The following MACROD2 variants were observed in gnomAD, a reference collection of about 807,000 sequenced individuals.
The protein encoded by MACROD2 is mono-ADP ribosylhydrolase 2, also known as ADP-ribose glycohydrolase MACROD2.
Under a neutral mutation model 70.4 loss-of-function variants are expected in MACROD2, and 36 were observed. The ratio of observed to expected loss-of-function variants is 0.51; its 90% CI spans 0.39 to 0.68. The LOEUF (loss-of-function observed/expected upper bound fraction) is 0.68, where lower values mean the gene tolerates loss of function less well. Among genes scored for constraint, MACROD2 ranks in the 30% least tolerant of loss-of-function variants. The probability of loss-of-function intolerance (pLI) is 0.00; values close to 1 mark genes in which losing one functional copy is unlikely to be tolerated. For synonymous variants in MACROD2, 172 were observed against 178.8 expected, an observed-to-expected ratio of 0.96 and a Z score of 0.30; for missense variants, 496 against 538.4, an observed-to-expected ratio of 0.92 and a Z score of 0.78.
rs568045292 is a variant in MACROD2, at chr20:14,393,378, C to G, written c.272-100101C>G. ...ATCTAACTCCATTTCATTTTATAAG[C>G]TTCTTTCACTGTCTACCCTTTAGCT... On this transcript the variant is annotated intron_variant, in intron 3 of 17. Transcript: ENST00000684519. 8.5e-5 allele frequency among the ~76,000 whole-genome samples: 13 copies of G among 152,222 alleles called. 1 individual carries two copies. The South Asian group carries it at 2.5e-3, about 29-fold the overall frequency.
intron 5 of MACROD2, among the ~76,000 whole-genome samples, chr20:14,869,519 C>T (rs139671703): frequency 2.0e-5 from 3 of 152,230 alleles, no homozygotes; most frequent in Non-Finnish European, 4.4e-5. Context: ...TCACCAAAGC[C>T]GTGGCGCTGC....
chr20:14,311,212 C>T (rs898823290), intron 3 of MACROD2, among the ~76,000 whole-genome samples: 1 of 152,026 alleles, frequency 6.6e-6, no homozygotes, highest in South Asian at 2.1e-4. Flanking sequence ...GGTAAGTGCC[C>T]GATACAGGTG....
intron 8 of MACROD2, among the ~76,000 whole-genome samples, chr20:15,714,563 G>A (rs2050679390): frequency 6.6e-6 from 1 of 152,166 alleles, no homozygotes; most frequent in African/African-American, 2.4e-5. Context: ...ACGAGATATA[G>A]AGCTTTTAGG....
At chr20:14,488,783 TTTTG>T (rs990563887) in intron 3 of MACROD2, among the ~76,000 whole-genome samples, 28 of 152,268 alleles carry the variant, frequency 1.8e-4, no homozygotes, top group South Asian at 6.2e-4. Context: ...TAAGTGGGGT[TTTTG>T]TTTGTTTGTT....
intron 8 of MACROD2, among the ~76,000 whole-genome samples, chr20:15,735,497 C>T (rs552250607): frequency 1.3e-5 from 2 of 152,266 alleles, no homozygotes; most frequent in African/African-American, 4.8e-5. Flanking sequence ...GATTTCACCA[C>T]CTTCATGAGA....
chr20:15,331,069 A>G (rs1413097140), intron 6 of MACROD2, among the ~76,000 whole-genome samples: 1 of 148,998 alleles, frequency 6.7e-6, no homozygotes, highest in Non-Finnish European at 1.5e-5. Flanking sequence ...AAAACTAGAC[A>G]AGGTTGTTAA....
chr20:14,615,570 A>G (rs192397667), intron 4 of MACROD2, among the ~76,000 whole-genome samples: 198 of 152,216 alleles, frequency 1.3e-3, no homozygotes, highest in Non-Finnish European at 2.4e-3. Flanking sequence ...AGGAAACAAT[A>G]GAGGTAATGG....
At chr20:15,764,024 G>C (rs531273652) in intron 8 of MACROD2, among the ~76,000 whole-genome samples, 4 of 152,314 alleles carry the variant, frequency 2.6e-5, no homozygotes, top group Non-Finnish European at 5.9e-5. Flanking sequence ...TTGTAAGTGG[G>C]AGGGTTGCAG....
chr20:14,033,635 A>G (rs909982717), intron 2 of MACROD2, among the ~76,000 whole-genome samples: 2 of 152,228 alleles, frequency 1.3e-5, no homozygotes, highest in Non-Finnish European at 2.9e-5. Flanking sequence ...GAAAGAATCA[A>G]ACAGTACAGA....
At chr20:15,018,424 T>A (rs1358321394) in intron 5 of MACROD2, among the ~76,000 whole-genome samples, 1 of 152,190 alleles carries the variant, frequency 6.6e-6, no homozygotes, top group Non-Finnish European at 1.5e-5. Flanking sequence ...CTCTAGGAAG[T>A]TCCAAATTTT....
intron 8 of MACROD2, among the ~76,000 whole-genome samples, chr20:15,788,068 G>A (rs1351211541): frequency 6.6e-6 from 1 of 152,066 alleles, no homozygotes; most frequent in Non-Finnish European, 1.5e-5. Flanking sequence ...ATATCCACAG[G>A]CAGCTCATTT....
intron 4 of MACROD2, among the ~76,000 whole-genome samples, chr20:14,523,811 A>T (rs2085197359): frequency 1.3e-5 from 2 of 152,204 alleles, no homozygotes; most frequent in African/African-American, 4.8e-5. Flanking sequence ...AGATCTTAAC[A>T]CCGTATCTGA....
chr20:15,871,683 AG>A (rs2064586433), intron 9 of MACROD2, among the ~76,000 whole-genome samples: 1 of 152,202 alleles, frequency 6.6e-6, no homozygotes, highest in Non-Finnish European at 1.5e-5. Flanking sequence ...AGAATGAACA[AG>A]GGTAGAGAAG....
At chr20:14,914,269 A>G (rs960269096) in intron 5 of MACROD2, among the ~76,000 whole-genome samples, 2 of 152,162 alleles carry the variant, frequency 1.3e-5, no homozygotes, top group Admixed American at 6.5e-5. Flanking sequence ...CATTTCATTC[A>G]AGATTGTTCT....
intron 5 of MACROD2, among the ~76,000 whole-genome samples, chr20:15,062,693 C>T (rs1364367901): frequency 6.6e-6 from 1 of 152,192 alleles, no homozygotes; most frequent in Non-Finnish European, 1.5e-5. Context: ...ATAGGTCAGA[C>T]ATAGTTCCAA....
chr20:14,389,904 G>A (rs1221434548), intron 3 of MACROD2, among the ~76,000 whole-genome samples: 1 of 152,146 alleles, frequency 6.6e-6, no homozygotes, highest in African/African-American at 2.4e-5. Flanking sequence ...CCTGGCCAGG[G>A]CAATCAGGCA....
At chr20:14,242,827 A>G (rs894693906) in intron 3 of MACROD2, among the ~76,000 whole-genome samples, 1 of 152,216 alleles carries the variant, frequency 6.6e-6, no homozygotes, top group African/African-American at 2.4e-5. Context: ...TACAGTTTTC[A>G]TTATGATCAC....
intron 2 of MACROD2, among the ~76,000 whole-genome samples, chr20:14,046,975 ACAT>A (rs1161776738): frequency 2.0e-5 from 3 of 152,148 alleles, no homozygotes; most frequent in Non-Finnish European, 4.4e-5. Flanking sequence ...CTTGAACTAG[ACAT>A]CATAATAAAT....
At chr20:14,826,851 T>A (rs1402765105) in intron 5 of MACROD2, among the ~76,000 whole-genome samples, 2 of 152,220 alleles carry the variant, frequency 1.3e-5, no homozygotes, top group South Asian at 2.1e-4. Context: ...GCAATTCAGA[T>A]TTCGTACATT....
Sources: allele counts gnomAD v4.1 joint callset (sites outside exome capture counted in the v4.1 genomes callset), GRCh38; gene constraint gnomAD v4.1.1; transcripts MANE v1.5; gene names NCBI Gene and HGNC (gene_info 2026-07-23, HGNC 2026-07-21).